Variants in NR5A2 observed in about 807,000 individuals in gnomAD.
The protein encoded by NR5A2 is CYP7A promoter-binding factor.
NR5A2 carries 26 observed loss-of-function variants against 62.7 expected under a neutral mutation model. That is an observed-to-expected ratio of 0.41 (90% CI 0.30 to 0.58). The LOEUF (loss-of-function observed/expected upper bound fraction) is 0.58, where lower values mean the gene tolerates loss of function less well. Ranked by LOEUF, NR5A2 falls within the 20% of genes least tolerant of loss-of-function variation. The pLI is 0.22. For missense variants in NR5A2, 541 were observed against 669.1 expected, an observed-to-expected ratio of 0.81 and a Z score of 2.11; for synonymous variants, 246 against 241.7, an observed-to-expected ratio of 1.02 and a Z score of -0.16.
At chr1:200,103,192 C>T (rs1172440882) in intron 5 of NR5A2, among the ~76,000 whole-genome samples, 1 of 136,436 alleles carries the variant, frequency 7.3e-6, no homozygotes, top group Admixed American at 8.5e-5. Context: ...GGAGTGGTCT[C>T]GGCTCACTGC....
intron 7 of NR5A2, among the ~76,000 whole-genome samples, chr1:200,146,078 A>G (rs954683775): frequency 5.9e-5 from 9 of 152,216 alleles, no homozygotes; most frequent in African/African-American, 2.2e-4. Flanking sequence ...AAATAAAATT[A>G]TAGGATTCCT....
intron 7 of NR5A2, among the ~76,000 whole-genome samples, chr1:200,138,139 G>T (rs973000827): frequency 6.6e-6 from 1 of 152,074 alleles, no homozygotes; most frequent in Non-Finnish European, 1.5e-5. Flanking sequence ...TCTCCGATTG[G>T]TGGATATTTA....
At chr1:200,049,465 G>C (rs905946247) in intron 5 of NR5A2, among the ~76,000 whole-genome samples, 4 of 152,130 alleles carry the variant, frequency 2.6e-5, no homozygotes, top group Admixed American at 6.6e-5. Context: ...TCTATGTCTT[G>C]TTGATTTTAG....
intron 7 of NR5A2, among the ~76,000 whole-genome samples, chr1:200,150,960 A>G (rs889804114): frequency 6.6e-6 from 1 of 152,186 alleles, no homozygotes; most frequent in African/African-American, 2.4e-5. Context: ...GGAGTTAAGA[A>G]TTGAAGGTAG....
At chr1:200,094,027 G>A (rs921160666) in intron 5 of NR5A2, among the ~76,000 whole-genome samples, 3 of 152,030 alleles carry the variant, frequency 2.0e-5, no homozygotes, top group African/African-American at 7.2e-5. Flanking sequence ...AAATTTGCTG[G>A]TTGTGGTGGC....
At chr1:200,069,450 G>A (rs535658740) in intron 5 of NR5A2, among the ~76,000 whole-genome samples, 4 of 151,976 alleles carry the variant, frequency 2.6e-5, no homozygotes, top group South Asian at 2.1e-4. Context: ...TAGTAGAGAC[G>A]GAGTTTCACC....
intron 5 of NR5A2, among the ~76,000 whole-genome samples, chr1:200,055,120 C>T (rs938810966): frequency 5.3e-5 from 8 of 151,928 alleles, no homozygotes; most frequent in Non-Finnish European, 8.8e-5. Flanking sequence ...GTCTGGAACT[C>T]CTGGGTTCAA....
intron 6 of NR5A2, among the ~76,000 whole-genome samples, chr1:200,117,745 C>T (rs1364145124): frequency 1.3e-5 from 2 of 151,562 alleles, no homozygotes; most frequent in South Asian, 2.1e-4. Flanking sequence ...AGAAGTCTTG[C>T]TCTTGTCCCC....
intron 1 of NR5A2, chr1:200,038,799 C>A (rs1465257299): frequency 7.7e-7 from 1 of 1,299,644 alleles, no homozygotes; most frequent in East Asian, 5.4e-5. Context: ...TTTACATCCC[C>A]CCGCCCCGGG....
At position 200,048,084 on chromosome 1, in the gene NR5A2, G is replaced by A. The variant is rs1452386907; in HGVS notation, c.464-88G>A. 7 of 1,287,100 alleles carry A rather than the reference G, an allele frequency of 5.4e-6. No homozygotes were observed. The highest frequency in any genetic ancestry group is 1.5e-5 in the South Asian group (1 of 68,412). 79.7% of individuals were successfully genotyped at this position (1,287,100 alleles called of 1,614,324 possible). A position where few individuals can be genotyped will look rare whatever the true frequency, so the allele number is the denominator to read the frequency against. ...AACCACACACATACCACTTCTTGTC[G>A]ATTTACATTTCTAAATATCTGAAGA... On this transcript the variant is annotated intron_variant, in intron 4 of 7. Transcript: ENST00000367362. The surrounding 1 kb of genome is among the most constrained non-coding windows in gnomAD (Gnocchi z 4.8).
At chr1:200,040,558 C>T (rs1345120036) in intron 2 of NR5A2, among the ~76,000 whole-genome samples, 2 of 127,540 alleles carry the variant, frequency 1.6e-5, no homozygotes, top group Admixed American at 1.4e-4. Flanking sequence ...AAATAGCAAC[C>T]CTATGGCTTG....
At chr1:200,173,229 C>T (rs902937833) in intron 7 of NR5A2, among the ~76,000 whole-genome samples, 1 of 151,934 alleles carries the variant, frequency 6.6e-6, no homozygotes, top group Non-Finnish European at 1.5e-5. Flanking sequence ...ACATGAGTGA[C>T]CAGAAGAAAA....
intron 2 of NR5A2, among the ~76,000 whole-genome samples, chr1:200,042,268 T>G (rs1376667047): frequency 6.6e-6 from 1 of 152,176 alleles, no homozygotes; most frequent in Non-Finnish European, 1.5e-5. Flanking sequence ...TAGGGCTCTG[T>G]GGCCCGGGAA....
chr1:200,164,771 C>T (rs988046988), intron 7 of NR5A2, among the ~76,000 whole-genome samples: 2 of 151,160 alleles, frequency 1.3e-5, no homozygotes, highest in East Asian at 1.9e-4. Flanking sequence ...TGGTCTTAAA[C>T]TCCTGACCTC....
At chr1:200,081,766 C>G (rs72739200) in intron 5 of NR5A2, among the ~76,000 whole-genome samples, 13,297 of 132,392 alleles carry the variant, frequency 0.1, 686 homozygotes, top group East Asian at 0.19. Flanking sequence ...ACATAGTCTA[C>G]CTTTTTTTTT....
chr1:200,134,596 T>G (rs778643063), intron 7 of NR5A2, among the ~76,000 whole-genome samples: 66 of 152,178 alleles, frequency 4.3e-4, no homozygotes, highest in Admixed American at 7.9e-4. Context: ...TCAGTGCACT[T>G]CTCAGAATGT....
chr1:200,039,656 A>G lies in NR5A2; in HGVS notation c.65-2A>G. On this transcript the variant is annotated splice_acceptor_variant, in intron 1 of 7. Transcript: ENST00000367362. LOFTEE classifies it high-confidence loss of function. This position sits in a 1 kb window ranked among gnomAD's most constrained non-coding sequence, Gnocchi z 5.1. ...AGTTGAATCTGTGCTGCCCGTGTCC[A>G]GGTGCTGGGCTTCCGGACCGACACG... 6.2e-7 allele frequency: 1 copy of G among 1,611,084 alleles called. No homozygotes were observed. The highest frequency in any genetic ancestry group is 8.5e-7 in the Non-Finnish European group (1 of 1,178,944).
intron 7 of NR5A2, among the ~76,000 whole-genome samples, chr1:200,141,854 T>C (rs561447791): frequency 2.0e-5 from 3 of 152,214 alleles, no homozygotes; most frequent in Non-Finnish European, 2.9e-5. Context: ...CTTTTCTTTT[T>C]GATAATTTTT....
chr1:200,043,876 C>T lies in NR5A2; in HGVS notation c.305C>T (p.Thr102Ile). ...TCTGGGTACCATTATGGGCTCCTCA[C>T]CTGTGAAAGCTGCAAGGTTTGCTCA... is the stretch of plus-strand genomic sequence containing the variant. ...KVSGYHYGLL[T>I]CESCKGFFKR... Residue 102 changes from threonine (T) to isoleucine (I), a missense_variant, in exon 3 of 8, where the codon ACC (threonine) becomes ATC (isoleucine). Around this residue, in one of 3 missense-constraint regions of NR5A2, gnomAD observed 54 missense variants for 123.8 expected, o/e 0.44. Transcript: ENST00000367362. 1 of 1,610,856 alleles carries T rather than the reference C, an allele frequency of 6.2e-7. No individual in the cohort carries two copies. Among genetic ancestry groups the T allele is most frequent in the East Asian group, 2.2e-5 (1 of 44,844 alleles).
Sources: allele counts gnomAD v4.1 joint callset (sites outside exome capture counted in the v4.1 genomes callset), GRCh38; gene constraint gnomAD v4.1.1; regional missense constraint gnomAD v4.1.1; non-coding constraint Gnocchi (gnomAD v3.1); transcripts MANE v1.5; gene names NCBI Gene and HGNC (gene_info 2026-07-23, HGNC 2026-07-21).